UPRT: variants seen among roughly 807,000 people sequenced by gnomAD.
The protein encoded by UPRT is RP11-311P8.3.
In UPRT, 5 loss-of-function variants were observed where a neutral mutation model predicts 22.6. That is an observed-to-expected ratio of 0.22 (90% CI 0.12 to 0.47). UPRT has a LOEUF of 0.47. Ranked by LOEUF, UPRT falls within the 20% of genes least tolerant of loss-of-function variation. The pLI is 0.99. For synonymous variants in UPRT, 77 were observed against 87.7 expected (o/e 0.88, Z 0.68); for missense variants, 181 against 239.9 (o/e 0.75, Z 1.62).
intron 4 of UPRT, among the ~76,000 whole-genome samples, chrX:75,192,624 C>G (rs2082319448): frequency 8.9e-6 from 1 of 111,739 alleles, no homozygotes; most frequent in Non-Finnish European, 1.9e-5. Flanking sequence ...TAAGAACTTG[C>G]TTTATGAATC....
At chrX:75,297,649 C>G in intron 4 of UPRT, 96 bp downstream of exon 4, 1 of 974,225 alleles carries the variant, frequency 1.0e-6, no homozygotes, top group East Asian at 3.1e-5. Flanking sequence ...ATAATTGCAG[C>G]CTGCCTTTAG....
intron 4 of UPRT, among the ~76,000 whole-genome samples, chrX:75,250,781 T>C (rs1183092905): frequency 9.0e-6 from 1 of 111,685 alleles, no homozygotes; most frequent in Non-Finnish European, 1.9e-5. Flanking sequence ...TAGACTAATA[T>C]CCTTAATGAA....
At chrX:75,247,047 C>T (rs1430436837) in intron 4 of UPRT, among the ~76,000 whole-genome samples, 5 of 111,753 alleles carry the variant, frequency 4.5e-5, no homozygotes, top group African/African-American at 1.6e-4. Flanking sequence ...CAAGTTATCC[C>T]TCTTTTAAAA....
chrX:75,179,699 G>A (rs185306165), intron 4 of UPRT, among the ~76,000 whole-genome samples: 2,923 of 112,942 alleles, frequency 0.026, 90 homozygotes, highest in African/African-American at 0.09. Flanking sequence ...GAAATTGAGC[G>A]CAGCGCTGGT....
chrX:75,221,470 G>A (rs1200879705), intron 4 of UPRT, among the ~76,000 whole-genome samples: 2 of 110,741 alleles, frequency 1.8e-5, no homozygotes, highest in African/African-American at 6.6e-5. Context: ...TTCCCCCTTT[G>A]AGGCTATTTT....
chrX:75,229,288 T>C lies in UPRT; in HGVS notation c.-447+61409T>C, dbSNP rs185196082. 3.2e-4 allele frequency among the ~76,000 whole-genome samples: 36 copies of C among 112,140 alleles called. 1 individual carries two copies. Among genetic ancestry groups the C allele is most frequent in the Admixed American group, 2.8e-3 (30 of 10,546 alleles). On this transcript the variant is annotated intron_variant, in intron 4 of 13. Coordinates refer to the UPRT transcript ENST00000652605. ...TGTATACCTTGAATATATATAACTT[T>C]ATTTGTCATTATGCCTCAGGAAACC...
At chrX:75,241,776 T>G (rs2082489427) in intron 4 of UPRT, among the ~76,000 whole-genome samples, 2 of 111,804 alleles carry the variant, frequency 1.8e-5, no homozygotes, top group South Asian at 7.5e-4. Context: ...CACAGCAACC[T>G]AGATGGAGTT....
chrX:75,243,580 T>C (rs986748156), intron 4 of UPRT, among the ~76,000 whole-genome samples: 1 of 111,958 alleles, frequency 8.9e-6, no homozygotes, highest in African/African-American at 3.2e-5. Flanking sequence ...TTAGTGAATT[T>C]TGCTTTAATA....
At chrX:75,230,590 C>A (rs1338070046) in intron 4 of UPRT, among the ~76,000 whole-genome samples, 1 of 112,128 alleles carries the variant, frequency 8.9e-6, no homozygotes, top group East Asian at 2.8e-4. Context: ...CCTGGCTAGT[C>A]AGAGATCCTG....
intron 4 of UPRT, among the ~76,000 whole-genome samples, chrX:75,172,445 C>T (rs939195976): frequency 1.5e-4 from 17 of 111,867 alleles, no homozygotes; most frequent in Admixed American, 4.7e-4. Flanking sequence ...CTCTCCCCAA[C>T]AGCACCAAGT....
At chrX:75,189,715 T>G (rs976692996) in intron 4 of UPRT, among the ~76,000 whole-genome samples, 3 of 112,457 alleles carry the variant, frequency 2.7e-5, no homozygotes, top group Non-Finnish European at 5.6e-5. Context: ...CTTGTTGAAC[T>G]GATCCCTTTA....
intron 4 of UPRT, among the ~76,000 whole-genome samples, chrX:75,205,778 G>C (rs1224109830): frequency 8.9e-6 from 1 of 111,740 alleles, no homozygotes; most frequent in East Asian, 2.8e-4. Flanking sequence ...AAGCATTTGC[G>C]TGCTGTCTTA....
At chrX:75,186,136 C>A (rs1378750449) in intron 4 of UPRT, among the ~76,000 whole-genome samples, 2 of 110,958 alleles carry the variant, frequency 1.8e-5, no homozygotes, top group African/African-American at 6.6e-5. Context: ...TTGGATCTTT[C>A]CTGCTTTCTC....
At chrX:75,176,339 C>A (rs1346360145) in intron 4 of UPRT, among the ~76,000 whole-genome samples, 1 of 111,132 alleles carries the variant, frequency 9.0e-6, no homozygotes, top group Non-Finnish European at 1.9e-5. Flanking sequence ...CCAGGTATCT[C>A]CAAACTCTCG....
intron 4 of UPRT, among the ~76,000 whole-genome samples, chrX:75,247,704 C>G (rs2082511908): frequency 8.9e-6 from 1 of 112,565 alleles, no homozygotes; most frequent in South Asian, 3.6e-4. Context: ...ATGTCCCTGT[C>G]TGACAGCTTT....
chrX:75,184,577 T>G (rs1203920612), intron 4 of UPRT, among the ~76,000 whole-genome samples: 1 of 108,293 alleles, frequency 9.2e-6, no homozygotes, highest in East Asian at 2.8e-4. Context: ...CATTGGTAGC[T>G]TGATGGGGAT....
chrX:75,296,933 A>G (rs1197193030), intron 3 of UPRT, among the ~76,000 whole-genome samples: 12 of 112,135 alleles, frequency 1.1e-4, no homozygotes, highest in African/African-American at 3.6e-4. Flanking sequence ...AAACTGTTCT[A>G]TTCAAAGGGT....
At chrX:75,250,022 G>A (rs1227127916) in intron 4 of UPRT, among the ~76,000 whole-genome samples, 1 of 111,792 alleles carries the variant, frequency 8.9e-6, no homozygotes, top group Non-Finnish European at 1.9e-5. Context: ...AGAGAACAAA[G>A]ACACAACATA....
At chrX:75,232,399 A>G (rs1232138309) in intron 4 of UPRT, among the ~76,000 whole-genome samples, 2 of 112,587 alleles carry the variant, frequency 1.8e-5, no homozygotes, top group Non-Finnish European at 3.8e-5. Context: ...GCTTAGGTAA[A>G]CAAAGCAGCC....
Sources: allele counts gnomAD v4.1 joint callset (sites outside exome capture counted in the v4.1 genomes callset), GRCh38; gene constraint gnomAD v4.1.1; transcripts MANE v1.5; gene names NCBI Gene and HGNC (gene_info 2026-07-23, HGNC 2026-07-21).